SMIM35: variants seen among roughly 807,000 people sequenced by gnomAD.
SMIM35 encodes TMPRSS4 antisense RNA 1 (non-protein coding).
In SMIM35 at chr11:118,030,644, A is replaced by G. The variant is rs114561433; in HGVS notation, c.8-14835T>C. Among the ~76,000 whole-genome samples, 1,105 of 152,184 alleles carry G rather than the reference A, an allele frequency of 7.3e-3. 10 individuals are homozygous for G. Among genetic ancestry groups the G allele is most frequent in the African/African-American group, 0.026 (1,073 of 41,516 alleles). On this transcript the variant is annotated intron_variant, in intron 1 of 4. Transcript: ENST00000689828. ...GCTTAGCACGAGATGCCTGATCCCAAGCTGGGGGAGGAGGGTATCCATAAA... is the reference window on the plus strand; with the variant it reads ...GCTTAGCACGAGATGCCTGATCCCAGGCTGGGGGAGGAGGGTATCCATAAA...
intron 1 of SMIM35, among the ~76,000 whole-genome samples, chr11:118,081,914 T>G (rs141474106): frequency 6.6e-6 from 1 of 152,080 alleles, no homozygotes; most frequent in Non-Finnish European, 1.5e-5. Context: ...TTTCCCACAC[T>G]CCAGACAAAG....
chr11:118,052,513 A>C (rs1470927173), intron 1 of SMIM35, among the ~76,000 whole-genome samples: 1 of 152,100 alleles, frequency 6.6e-6, no homozygotes, highest in Non-Finnish European at 1.5e-5. Flanking sequence ...TGTATTTATA[A>C]TTTTGTATTC....
chr11:118,014,294 T>C (rs777562082), intron 3 of SMIM35, among the ~76,000 whole-genome samples: 1 of 149,716 alleles, frequency 6.7e-6, no homozygotes, highest in African/African-American at 2.5e-5. Flanking sequence ...TCTGAATAAA[T>C]GATAAGGAAG....
chr11:118,018,173 G>A (rs1401355715), intron 1 of SMIM35, among the ~76,000 whole-genome samples: 1 of 152,182 alleles, frequency 6.6e-6, no homozygotes, highest in Non-Finnish European at 1.5e-5. Context: ...GAGCAGGAAG[G>A]CAGCAGGAGA....
At chr11:118,011,624 G>A (rs908117956) in intron 4 of SMIM35, among the ~76,000 whole-genome samples, 3 of 152,082 alleles carry the variant, frequency 2.0e-5, no homozygotes, top group South Asian at 2.1e-4. Flanking sequence ...CCTGGGAGAC[G>A]GAGGTTGCAG....
chr11:118,027,405 G>A (rs1432716978), intron 1 of SMIM35, among the ~76,000 whole-genome samples: 2 of 152,080 alleles, frequency 1.3e-5, no homozygotes, highest in Non-Finnish European at 2.9e-5. Flanking sequence ...TAAAGAAACT[G>A]TAATTAGAGC....
intron 1 of SMIM35, among the ~76,000 whole-genome samples, chr11:118,084,872 G>A (rs1945422633): frequency 6.6e-6 from 1 of 152,202 alleles, no homozygotes; most frequent in Non-Finnish European, 1.5e-5. Flanking sequence ...AAGAGGCAGA[G>A]CTGGATTCAG....
chr11:118,029,943 T>C (rs1301385468), intron 1 of SMIM35: 2 of 362,584 alleles, frequency 5.5e-6, no homozygotes, highest in African/African-American at 4.3e-5. Flanking sequence ...AAATTCTCTC[T>C]GGTAAAATGA....
At chr11:118,066,442 A>G (rs1944475604) in intron 1 of SMIM35, among the ~76,000 whole-genome samples, 1 of 152,132 alleles carries the variant, frequency 6.6e-6, no homozygotes, top group Non-Finnish European at 1.5e-5. Context: ...AAACAAAAAC[A>G]AACAAGTCAT....
At chr11:118,042,882 A>C (rs1486580697) in intron 1 of SMIM35, among the ~76,000 whole-genome samples, 1 of 152,248 alleles carries the variant, frequency 6.6e-6, no homozygotes, top group Non-Finnish European at 1.5e-5. Flanking sequence ...ACATCGTACC[A>C]GTAGAATTTT....
chr11:118,066,994 ATCC>A (rs779378513), intron 1 of SMIM35, among the ~76,000 whole-genome samples: 2 of 152,124 alleles, frequency 1.3e-5, no homozygotes, highest in Non-Finnish European at 2.9e-5. Flanking sequence ...GCTTGCCTGC[ATCC>A]TTCTCTTAAT....
chr11:118,013,951 G>T (rs2058163378), intron 3 of SMIM35, 71 bp from the exon 4 acceptor site: 2 of 398,156 alleles, frequency 5.0e-6, no homozygotes, highest in South Asian at 2.6e-4. Context: ...CATCTCCCTT[G>T]ACTCCAGGGC....
intron 1 of SMIM35, among the ~76,000 whole-genome samples, chr11:118,056,573 A>G (rs1401521561): frequency 1.3e-5 from 2 of 152,172 alleles, no homozygotes; most frequent in Admixed American, 6.5e-5. Context: ...GGTCCCCTGG[A>G]CCAGAAAGCT....
intron 1 of SMIM35, among the ~76,000 whole-genome samples, chr11:118,022,962 G>A (rs528436171): frequency 4.0e-4 from 61 of 150,814 alleles, no homozygotes; most frequent in African/African-American, 1.4e-3. Flanking sequence ...TTTATGATTT[G>A]TCTACTGCTC....
At chr11:118,061,760 G>C (rs1359906250) in intron 1 of SMIM35, among the ~76,000 whole-genome samples, 1 of 152,066 alleles carries the variant, frequency 6.6e-6, no homozygotes, top group South Asian at 2.1e-4. Flanking sequence ...CCGCTCTTTG[G>C]TGACTCTTTC....
chr11:118,029,984 C>A lies in SMIM35; in HGVS notation c.8-14175G>T, dbSNP rs138326579. The A allele has an allele frequency of 1.8e-3, 630 of 348,882 alleles. 1 individual carries two copies. The highest frequency in any genetic ancestry group is 2.5e-3 in the Non-Finnish European group (447 of 177,060). 21.6% of individuals were successfully genotyped at this position (348,882 alleles called of 1,614,324 possible). On this transcript the variant is annotated intron_variant, in intron 1 of 4. Transcript: ENST00000689828. The stretch of plus-strand genomic sequence containing the variant: ...GTGGCTTATGTTTCCTAACTAGAGC[C>A]TGGTTATCCATGCAGAAATATGAAA...
At chr11:118,026,797 G>C (rs1252382638) in intron 1 of SMIM35, among the ~76,000 whole-genome samples, 5 of 151,996 alleles carry the variant, frequency 3.3e-5, no homozygotes, top group Admixed American at 2.0e-4. Context: ...GTGAGACCCT[G>C]TTTCTTTTTT....
chr11:118,021,854 T>C (rs1489298746), intron 1 of SMIM35, among the ~76,000 whole-genome samples: 4 of 152,102 alleles, frequency 2.6e-5, no homozygotes, highest in Non-Finnish European at 5.9e-5. Flanking sequence ...CTCTCAGCAA[T>C]TGATAGAACA....
At chr11:118,084,561 T>C (rs925817949) in intron 1 of SMIM35, among the ~76,000 whole-genome samples, 2 of 152,222 alleles carry the variant, frequency 1.3e-5, no homozygotes, top group African/African-American at 4.8e-5. Flanking sequence ...TGGTTATCAC[T>C]GGGGCCTCCA....
Sources: gnomAD v4.1 joint callset for allele counts (sites outside exome capture counted in the v4.1 genomes callset) on GRCh38, gnomAD v4.1.1 for gene constraint, MANE v1.5 for transcripts, NCBI Gene and HGNC (gene_info 2026-07-23, HGNC 2026-07-21) for gene names.